TGFB1I1: variants seen among roughly 807,000 people sequenced by gnomAD.
TGFB1I1 encodes the protein transforming growth factor beta-1-induced transcript 1 protein.
In TGFB1I1, 33 loss-of-function variants were observed where a neutral mutation model predicts 52.0. The observed-to-expected ratio is 0.63, with a 90% confidence interval of 0.48 to 0.85. The LOEUF is 0.85. TGFB1I1 is among the 40% of genes least tolerant of loss of function. TGFB1I1 has a pLI of 0.00. For missense variants in TGFB1I1, 577 were observed against 614.9 expected (o/e 0.94, Z 0.65); for synonymous variants, 236 against 253.3 (o/e 0.93, Z 0.65).
intron 1 of TGFB1I1, chr16:31,472,751 G>A (rs990099253): frequency 6.6e-6 from 1 of 152,558 alleles, no homozygotes; most frequent in East Asian, 1.9e-4. Context: ...AGGACTTCTG[G>A]GTTCTGGAAG....
At position 31,474,812 on chromosome 16, in the gene TGFB1I1, G is replaced by A; in HGVS notation, c.714+55G>A. On this transcript the variant is annotated intron_variant, in intron 7 of 10. Transcript: ENST00000394863. The surrounding 1 kb of genome is among the most constrained non-coding windows in gnomAD (Gnocchi z 4.2). Reference sequence around the variant, plus strand: ...GAGACCTGTCACAGACCCATCTTTAGTGAGAGCTGGGCTTTATGCTGTTCC... The same window carrying A: ...GAGACCTGTCACAGACCCATCTTTAATGAGAGCTGGGCTTTATGCTGTTCC... 1.3e-6 allele frequency: 2 copies of A among 1,514,726 alleles called. No individual in the cohort carries two copies. The highest frequency in any genetic ancestry group is 1.8e-6 in the Non-Finnish European group (2 of 1,110,996). The allele number at this position is 1,514,726 out of a possible 1,614,324, so 93.8% of individuals were successfully genotyped here.
rs189419018 is a variant in TGFB1I1, at chr16:31,476,446, G to A, written c.889-35G>A. 2.6e-4 allele frequency: 421 copies of A among 1,594,416 alleles called. No individual in the cohort carries two copies. The African/African-American group carries it at 4.2e-3, about 16-fold the overall frequency. ...GCGGGAGAGGAAGGCGCGAAGGCAC[G>A]GAGGCCGCGCTGAGTGCCCTCTCCC... On this transcript the variant is annotated intron_variant, in intron 8 of 10. Coordinates refer to ENST00000394863, the MANE Select transcript of TGFB1I1 (RefSeq NM_001042454.3). This position sits in a 1 kb window ranked among gnomAD's most constrained non-coding sequence, Gnocchi z 7.6.
In TGFB1I1 at chr16:31,474,583, T is replaced by C; in HGVS notation, c.540T>C (p.Thr180=). 1.2e-6 allele frequency: 2 copies of C among 1,608,592 alleles called. No individual in the cohort carries two copies. The highest frequency in any genetic ancestry group is 1.7e-6 in the Non-Finnish European group (2 of 1,176,276). ...VQNHLPASGP[T]QPPVVSSTNE... is the part of the protein sequence containing the mutation. ...TGCAGCTTCCAGCCTCTGGGCCAAC[T>C]CAGCCACCGGTGGTGAGCTCCACAA... The change falls in exon 7 of 11, where the codon ACT becomes ACC. Residue 180 remains threonine (T), a synonymous_variant. Transcript: ENST00000394863. This position sits in a 1 kb window ranked among gnomAD's most constrained non-coding sequence, Gnocchi z 4.2.
chr16:31,477,728 C>A lies in TGFB1I1; in HGVS notation c.*152C>A. ...ACTATGAGTCCTCAGGGGTCAAGTT[C>A]AGAAACGGCCCAGCCAGACCTAAAC... On this transcript the variant is annotated 3_prime_UTR_variant, in exon 11 of 11. Transcript: ENST00000394863. The surrounding 1 kb of genome is among the most constrained non-coding windows in gnomAD (Gnocchi z 4.7). 9.4e-7 allele frequency: 1 copy of A among 1,059,348 alleles called. No homozygotes were observed. The highest frequency in any genetic ancestry group is 1.3e-6 in the Non-Finnish European group (1 of 759,588). 65.6% of individuals were successfully genotyped at this position (1,059,348 alleles called of 1,614,324 possible).
Position 31,473,909 on chromosome 16 carries a change from T to C in TGFB1I1, c.257T>C (p.Leu86Ser). Residue 86 changes from leucine (L) to serine (S), a missense_variant, in exon 4 of 11, where the codon TTG becomes TCG. Leu to Ser is a moderately radical substitution (Grantham distance 145, BLOSUM62 -2). This residue lies in a region of TGFB1I1 where 113 missense variants were observed against 123.9 expected (regional missense o/e 0.91). Transcript: ENST00000394863. ...APPFSSSSGV[L>S]GTGLCELDRL... ...CCATTCTCCTCTTCCAGCGGTGTCTTGGGTACCGGGCTCTGTGAGCTAGAT... is the reference window on the plus strand; with the variant it reads ...CCATTCTCCTCTTCCAGCGGTGTCTCGGGTACCGGGCTCTGTGAGCTAGAT... The C allele has an allele frequency of 6.2e-7, 1 of 1,613,988 alleles. No individual in the cohort carries two copies. The highest frequency in any genetic ancestry group is 8.5e-7 in the Non-Finnish European group (1 of 1,179,986).
Position 31,476,950 on chromosome 16 carries a change from C to T in TGFB1I1, c.1059C>T (p.Ile353=). Residue 353 remains isoleucine (I), a synonymous_variant, in exon 10 of 11, where the codon ATC becomes ATT. Transcript: ENST00000394863. This position sits in a 1 kb window ranked among gnomAD's most constrained non-coding sequence, Gnocchi z 7.6. The part of the protein sequence containing the change: ...APRCQGCQGP[I]LDNYISALSA... The stretch of plus-strand genomic sequence containing the variant: ...GCTGCCAGGGCTGCCAGGGCCCCAT[C>T]CTGGATAACTACATCTCGGCGCTCA... 1 of 1,604,054 alleles carries T rather than the reference C, an allele frequency of 6.2e-7. No individual in the cohort carries two copies. The highest frequency in any genetic ancestry group is 8.5e-7 in the Non-Finnish European group (1 of 1,178,514).
Position 31,476,080 on chromosome 16 carries a change from G to T in TGFB1I1, c.783G>T (p.Leu261=), listed in dbSNP as rs758983238. The part of the protein sequence containing the change: ...HFVCGGCSTA[L]GGSSFFEKDG... ...TTTGCGGAGGCTGTTCCACCGCCCT[G>T]GGAGGCAGCAGCTTCTTCGAGAAGG... Residue 261 remains leucine, a synonymous_variant, in exon 8 of 11, where the codon CTG becomes CTT. Transcript: ENST00000394863. The surrounding 1 kb of genome is among the most constrained non-coding windows in gnomAD (Gnocchi z 7.6). 6.2e-7 allele frequency: 1 copy of T among 1,613,846 alleles called. No homozygotes were observed. Among genetic ancestry groups the T allele is most frequent in the East Asian group, 2.2e-5 (1 of 44,858 alleles).
rs749026145 is a variant in TGFB1I1, at chr16:31,474,406, A to C, written c.470A>C (p.Glu157Ala). Reference protein sequence around the residue: ...PKASATSATLELDRLMASLSD... With the variant: ...PKASATSATLALDRLMASLSD... Reference sequence around the variant, plus strand: ...GCTTCTGCCACCTCAGCCACTCTGGAGCTGGATAGACTGATGGCCTCACTC... The same window carrying C: ...GCTTCTGCCACCTCAGCCACTCTGGCGCTGGATAGACTGATGGCCTCACTC... Residue 157 changes from glutamate (E) to alanine (A), a missense_variant, in exon 6 of 11, where the codon GAG (glutamate) becomes GCG (alanine). By Grantham distance (107) the Glu-to-Ala change is moderately radical. Around this residue, in one of 3 missense-constraint regions of TGFB1I1, gnomAD observed 456 missense variants for 461.6 expected, o/e 0.99. Coordinates refer to ENST00000394863, the MANE Select transcript of TGFB1I1 (RefSeq NM_001042454.3). This position sits in a 1 kb window ranked among gnomAD's most constrained non-coding sequence, Gnocchi z 4.2. 2.5e-6 allele frequency: 4 copies of C among 1,614,010 alleles called. No individual in the cohort carries two copies. The highest frequency in any genetic ancestry group is 3.4e-6 in the Non-Finnish European group (4 of 1,180,026).
Position 31,476,502 on chromosome 16 carries a change from A to G in TGFB1I1, c.910A>G (p.Thr304Ala). The change falls in exon 9 of 11, where the codon ACT becomes GCT. Residue 304 changes from threonine (T) to alanine (A), a missense_variant. Coordinates refer to ENST00000394863, the MANE Select transcript of TGFB1I1 (RefSeq NM_001042454.3). The surrounding 1 kb of genome is among the most constrained non-coding windows in gnomAD (Gnocchi z 7.6). The stretch of plus-strand genomic sequence containing the variant: ...GCAGAAGATGGTGACCGCCTTGGGC[A>G]CTCACTGGCACCCAGAGCATTTCTG... ...IRHKMVTALG[T>A]HWHPEHFCCV... 6.2e-7 allele frequency: 1 copy of G among 1,613,144 alleles called. No individual in the cohort carries two copies. The highest frequency in any genetic ancestry group is 8.5e-7 in the Non-Finnish European group (1 of 1,179,838).
In TGFB1I1 at chr16:31,476,295, AC is replaced by A; in HGVS notation, c.888+114del. On this transcript the variant is annotated intron_variant, in intron 8 of 10. Transcript: ENST00000394863. The surrounding 1 kb of genome is among the most constrained non-coding windows in gnomAD (Gnocchi z 7.6). ...ACCCGCGATACCCCACTCCACCCCTACCCCTTCCCCTTGGCAATGTCCACGG... is the reference window on the plus strand; with the variant it reads ...ACCCGCGATACCCCACTCCACCCCTACCCTTCCCCTTGGCAATGTCCACGG... 1 of 1,353,974 alleles carries A rather than the reference AC, an allele frequency of 7.4e-7. No homozygotes were observed. Among genetic ancestry groups the A allele is most frequent in the Admixed American group, 2.4e-5 (1 of 41,130 alleles). 83.9% of individuals were successfully genotyped at this position (1,353,974 alleles called of 1,614,324 possible).
chr16:31,472,412 T>G, intron 1 of TGFB1I1: 13 of 837,388 alleles, frequency 1.6e-5, no homozygotes, highest in Middle Eastern at 3.8e-4. Context: ...TCCCTCGCTG[T>G]GCTCCTCCAT....
Position 31,477,781 on chromosome 16 carries a change from C to CA in TGFB1I1, c.*206dup. ...ACACGCCCACAAAGTGGATTGCACA[C>CA]AGACAAGAACTCCCGTGCGGGCCTC... On this transcript the variant is annotated 3_prime_UTR_variant, in exon 11 of 11. Transcript: ENST00000394863. The surrounding 1 kb of genome is among the most constrained non-coding windows in gnomAD (Gnocchi z 4.7). 1 of 658,616 alleles carries CA rather than the reference C, an allele frequency of 1.5e-6. No individual in the cohort carries two copies. 40.8% of individuals were successfully genotyped at this position (658,616 alleles called of 1,614,324 possible).
In TGFB1I1 at chr16:31,476,625, C is replaced by A; in HGVS notation, c.970+63C>A. On this transcript the variant is annotated intron_variant, in intron 9 of 10. Coordinates refer to ENST00000394863, the MANE Select transcript of TGFB1I1 (RefSeq NM_001042454.3). The surrounding 1 kb of genome is among the most constrained non-coding windows in gnomAD (Gnocchi z 7.6). ...GTCCCCTCGACGTCTCGCCCCAGCC[C>A]CTCCGACCTCCGGAGTCCTCAGGGC... 1 of 1,541,278 alleles carries A rather than the reference C, an allele frequency of 6.5e-7. No homozygotes were observed. Among genetic ancestry groups the A allele is most frequent in the Non-Finnish European group, 8.9e-7 (1 of 1,129,724 alleles).
In TGFB1I1 at chr16:31,473,422, T is replaced by C. The variant is rs1198953186; in HGVS notation, c.14-19T>C. ...TAACCGTGACCCTTGTCTCTCTCCCTGATGGCCTCTTCCTGCAGATGCCCT... is the reference window on the plus strand; with the variant it reads ...TAACCGTGACCCTTGTCTCTCTCCCCGATGGCCTCTTCCTGCAGATGCCCT... On this transcript the variant is annotated intron_variant, in intron 1 of 10. Coordinates refer to ENST00000394863, the MANE Select transcript of TGFB1I1 (RefSeq NM_001042454.3). The C allele has an allele frequency of 1.2e-6, 2 of 1,606,406 alleles. No individual in the cohort carries two copies. Among genetic ancestry groups the C allele is most frequent in the Non-Finnish European group, 1.7e-6 (2 of 1,173,854 alleles).
intron 7 of TGFB1I1, chr16:31,475,279 A>G (rs1345830258): frequency 6.4e-6 from 1 of 156,788 alleles, no homozygotes; most frequent in Admixed American, 6.1e-5. Context: ...AGGCACTTTC[A>G]TCTTCATGAG....
chr16:31,472,856 A>T (rs2082399149), intron 1 of TGFB1I1: 1 of 152,456 alleles, frequency 6.6e-6, no homozygotes, highest in Non-Finnish European at 1.5e-5. Flanking sequence ...CTCCCTGCGA[A>T]GCCTGGGGCT....
chr16:31,474,305 G>A lies in TGFB1I1; in HGVS notation c.414-45G>A, dbSNP rs201188335. On this transcript the variant is annotated intron_variant, in intron 5 of 10. Coordinates refer to ENST00000394863, the MANE Select transcript of TGFB1I1 (RefSeq NM_001042454.3). This position sits in a 1 kb window ranked among gnomAD's most constrained non-coding sequence, Gnocchi z 4.2. ...GGATATCTGAGTCACTAGAGGGAGC[G>A]TTGCTCTGGGAGGCTCTGAGATGAC... The A allele has an allele frequency of 4.2e-5, 67 of 1,613,678 alleles. No homozygotes were observed. The highest frequency in any genetic ancestry group is 1.1e-4 in the East Asian group (5 of 44,876).
chr16:31,473,228 T>A, intron 1 of TGFB1I1: 1 of 1,370,302 alleles, frequency 7.3e-7, no homozygotes, highest in Non-Finnish European at 9.4e-7. Context: ...ATCAGGAGGC[T>A]GGGTTTGTGC....
At position 31,477,232 on chromosome 16, in the gene TGFB1I1, C is replaced by A. The variant is rs1567384331; in HGVS notation, c.1120-78C>A. 4.6e-6 allele frequency: 7 copies of A among 1,529,474 alleles called. No homozygotes were observed. The highest frequency in any genetic ancestry group is 1.3e-5 in the South Asian group (1 of 78,510). 94.7% of individuals were successfully genotyped at this position (1,529,474 alleles called of 1,614,324 possible). A position where few individuals can be genotyped will look rare whatever the true frequency, so the allele number is the denominator to read the frequency against. On this transcript the variant is annotated intron_variant, in intron 10 of 10. Coordinates refer to ENST00000394863, the MANE Select transcript of TGFB1I1 (RefSeq NM_001042454.3). The surrounding 1 kb of genome is among the most constrained non-coding windows in gnomAD (Gnocchi z 4.7). ...TAGGGCGGGCTGCGGGGTCCCAGGG[C>A]GTTATCCGCTAGTAACGCGCGTTGT...
Sources: allele counts gnomAD v4.1 joint callset, GRCh38; gene constraint gnomAD v4.1.1; regional missense constraint gnomAD v4.1.1; non-coding constraint Gnocchi (gnomAD v3.1); transcripts MANE v1.5; gene names NCBI Gene and HGNC (gene_info 2026-07-23, HGNC 2026-07-21).